CNTNAP5: variants seen among roughly 807,000 people sequenced by gnomAD.
The protein encoded by CNTNAP5 is contactin associated protein family member 5, also known as contactin-associated protein-like 5.
A neutral mutation model predicts 150.2 loss-of-function variants in CNTNAP5; 72 were observed. That is an observed-to-expected ratio of 0.48 (90% CI 0.40 to 0.58). CNTNAP5 has a LOEUF of 0.58. Ranked by LOEUF, CNTNAP5 falls within the 20% of genes least tolerant of loss-of-function variation. CNTNAP5 has a pLI of 0.00. For missense variants in CNTNAP5, 1,636 were observed against 1,626.2 expected (o/e 1.01, Z -0.10); for synonymous variants, 672 against 619.8 (o/e 1.08, Z -1.25).
chr2:124,755,054 G>T (rs1680810467), intron 14 of CNTNAP5, among the ~76,000 whole-genome samples: 1 of 151,832 alleles, frequency 6.6e-6, no homozygotes, highest in Admixed American at 6.6e-5. Context: ...ATTTTGCCTG[G>T]CGTAGCATTA....
rs543910443 is a variant in CNTNAP5 at position 124,872,657 on chromosome 2, A to G, written c.3436+2895A>G. On this transcript the variant is annotated intron_variant, in intron 21 of 23. Transcript: ENST00000682447. The stretch of plus-strand genomic sequence containing the variant: ...TCTTCTGGTTGAAGTCTTAGCGGAA[A>G]TGTTGTTACTATTAATATCATTAAC... 2.6e-5 allele frequency among the ~76,000 whole-genome samples: 4 copies of G among 152,010 alleles called. No individual in the cohort carries two copies. The East Asian group carries it at 7.8e-4, about 30-fold the overall frequency.
intron 6 of CNTNAP5, among the ~76,000 whole-genome samples, chr2:124,467,194 C>T (rs149575939): frequency 3.3e-5 from 5 of 152,228 alleles, no homozygotes; most frequent in African/African-American, 1.2e-4. Context: ...GTCAATAGTG[C>T]CCTTATGTGA....
rs748428834 is a variant in CNTNAP5, at chr2:124,080,345, A to G, written c.82+54613A>G. 3.2e-4 allele frequency among the ~76,000 whole-genome samples: 48 copies of G among 152,354 alleles called. 1 individual carries two copies. The highest frequency in any genetic ancestry group is 6.2e-4 in the South Asian group (3 of 4,830). On this transcript the variant is annotated intron_variant, in intron 1 of 23. Coordinates refer to ENST00000682447, the MANE Select transcript of CNTNAP5 (RefSeq NM_001367498.1). ...GTTTTCAGGAGGATAAATGAACTGT[A>G]TAAGACGGTCTTGTTCCATAAATAG... is the stretch of plus-strand genomic sequence containing the variant.
rs74952300 is a variant in CNTNAP5 at position 124,472,629 on chromosome 2, G to A, written c.919-2110G>A. On this transcript the variant is annotated intron_variant, in intron 6 of 23. Transcript: ENST00000682447. ...ATACCTTGCAGGTATTGTGGATTCC[G>A]TTCCAGACGAATGCAATAAAGTGAA... is the stretch of plus-strand genomic sequence containing the variant. 2.5e-3 allele frequency among the ~76,000 whole-genome samples: 379 copies of A among 151,366 alleles called. 4 individuals carry two copies. Among genetic ancestry groups the A allele is most frequent in the African/African-American group, 8.4e-3 (348 of 41,326 alleles).
intron 13 of CNTNAP5, among the ~76,000 whole-genome samples, chr2:124,686,802 G>A (rs550599366): frequency 3.3e-5 from 5 of 152,124 alleles, no homozygotes; most frequent in East Asian, 3.9e-4. Flanking sequence ...TAGACAAGTC[G>A]ACCAGAATTA....
chr2:124,259,295 G>T (rs759826406), intron 3 of CNTNAP5, among the ~76,000 whole-genome samples: 4 of 152,092 alleles, frequency 2.6e-5, no homozygotes, highest in Admixed American at 1.3e-4. Flanking sequence ...CTTTGCTATT[G>T]TGAGTAGTGC....
intron 13 of CNTNAP5, among the ~76,000 whole-genome samples, chr2:124,743,743 C>G (rs191789160): frequency 2.0e-5 from 3 of 152,286 alleles, no homozygotes; most frequent in Admixed American, 2.0e-4. Context: ...TATTCAAGAA[C>G]CTGATCAATT....
rs187335937 is a variant in CNTNAP5, at chr2:124,686,733, T to C, written c.2077+38775T>C. 3.3e-5 allele frequency among the ~76,000 whole-genome samples: 5 copies of C among 152,218 alleles called. No individual in the cohort carries two copies. The East Asian group carries it at 7.7e-4, about 23-fold the overall frequency. ...AATAGTGCTTTAAAGCCACAGCATA[T>C]TTGGGGTGGTTTGTTATGCAGCAAT... On this transcript the variant is annotated intron_variant, in intron 13 of 23. Coordinates refer to ENST00000682447, the MANE Select transcript of CNTNAP5 (RefSeq NM_001367498.1).
intron 3 of CNTNAP5, among the ~76,000 whole-genome samples, chr2:124,382,239 G>T (rs1260295698): frequency 6.6e-6 from 1 of 152,116 alleles, no homozygotes; most frequent in Non-Finnish European, 1.5e-5. Flanking sequence ...TGGAAAGAAG[G>T]TAGTCTATGC....
At chr2:124,563,181 G>T in intron 10 of CNTNAP5, 36 bp from the exon 11 acceptor site, 1 of 1,379,312 alleles carries the variant, frequency 7.2e-7, no homozygotes, top group Non-Finnish European at 1.0e-6. Flanking sequence ...AAATGATTTG[G>T]TTTATTTTCT....
intron 5 of CNTNAP5, among the ~76,000 whole-genome samples, chr2:124,439,229 G>T (rs1003849737): frequency 1.3e-5 from 2 of 152,010 alleles, no homozygotes; most frequent in Admixed American, 1.3e-4. Flanking sequence ...GAATCAATGG[G>T]ATAAAATGCA....
Position 124,584,375 on chromosome 2 carries a change from A to G in CNTNAP5, c.1756+21052A>G, listed in dbSNP as rs1207615672. On this transcript the variant is annotated intron_variant, in intron 11 of 23. Coordinates refer to ENST00000682447, the MANE Select transcript of CNTNAP5 (RefSeq NM_001367498.1). Reference sequence around the variant, plus strand: ...GGTGATAAGGAACTTAACTATAAGCATGATCTAGTAGGAAGAATTACAACG... The same window carrying G: ...GGTGATAAGGAACTTAACTATAAGCGTGATCTAGTAGGAAGAATTACAACG... 3.3e-5 allele frequency among the ~76,000 whole-genome samples: 5 copies of G among 152,144 alleles called. No homozygotes were observed. In the East Asian group the frequency reaches 9.6e-4, roughly 29 times the overall value.
intron 12 of CNTNAP5, among the ~76,000 whole-genome samples, chr2:124,631,162 T>C (rs1049760846): frequency 1.3e-5 from 2 of 152,054 alleles, no homozygotes; most frequent in South Asian, 4.1e-4. Flanking sequence ...AAGCAATGTA[T>C]AGATTCAGTG....
At chr2:124,240,573 A>C (rs1318549768) in intron 2 of CNTNAP5, among the ~76,000 whole-genome samples, 1 of 152,128 alleles carries the variant, frequency 6.6e-6, no homozygotes, top group East Asian at 1.9e-4. Context: ...TTCATAAAAA[A>C]CACTTAAAAA....
At chr2:124,663,844 C>T (rs1306200852) in intron 13 of CNTNAP5, among the ~76,000 whole-genome samples, 1 of 152,132 alleles carries the variant, frequency 6.6e-6, no homozygotes, top group East Asian at 1.9e-4. Flanking sequence ...ATGAATTCCT[C>T]CCTTCTTAAA....
chr2:124,575,653 G>C (rs977472233), intron 11 of CNTNAP5, among the ~76,000 whole-genome samples: 1 of 152,044 alleles, frequency 6.6e-6, no homozygotes, highest in Non-Finnish European at 1.5e-5. Flanking sequence ...TCACCTCCAC[G>C]TATACAGGTG....
chr2:124,616,490 A>ATCT (rs1356509686), intron 12 of CNTNAP5, among the ~76,000 whole-genome samples: 2 of 152,146 alleles, frequency 1.3e-5, no homozygotes, highest in African/African-American at 4.8e-5. Flanking sequence ...GCCTGGCTTG[A>ATCT]TCTTCTATTC....
At chr2:124,825,447 C>A (rs1324265629) in intron 19 of CNTNAP5, among the ~76,000 whole-genome samples, 1 of 152,166 alleles carries the variant, frequency 6.6e-6, no homozygotes, top group Non-Finnish European at 1.5e-5. Flanking sequence ...AATAACAAGA[C>A]AAAGCTATGA....
chr2:124,193,714 C>A (rs904173626), intron 1 of CNTNAP5, among the ~76,000 whole-genome samples: 1 of 152,132 alleles, frequency 6.6e-6, no homozygotes, highest in Non-Finnish European at 1.5e-5. Context: ...TATTTCTTTT[C>A]TTTATTCTAC....
Sources: allele counts gnomAD v4.1 joint callset (sites outside exome capture counted in the v4.1 genomes callset), GRCh38; gene constraint gnomAD v4.1.1; transcripts MANE v1.5; gene names NCBI Gene and HGNC (gene_info 2026-07-23, HGNC 2026-07-21).